KLRG1: variants seen among roughly 807,000 people sequenced by gnomAD.
KLRG1 encodes the protein killer cell lectin-like receptor subfamily G member 1.
A neutral mutation model predicts 21.8 loss-of-function variants in KLRG1; 16 were observed. The observed-to-expected ratio is 0.73, with a 90% CI of 0.50 to 1.11. The LOEUF is 1.11. Among genes scored for constraint, KLRG1 ranks in the 50% most tolerant of loss-of-function variants. The pLI, the probability that KLRG1 is intolerant of heterozygous loss-of-function variation, is 0.00. For missense variants in KLRG1, 173 were observed against 218.3 expected (o/e 0.79, Z 1.31); for synonymous variants, 69 against 75.9 (o/e 0.91, Z 0.47).
At chr12:9,021,691 T>A in the KLRG1 span, among the ~76,000 whole-genome samples, 1 of 152,198 alleles carries the variant, frequency 6.6e-6, no homozygotes, top group South Asian at 2.1e-4. Flanking sequence ...AAACTATTTT[T>A]AATTTTTAAA....
chr12:9,157,762 C>A, the KLRG1 span: 2 of 1,612,586 alleles, frequency 1.2e-6, no homozygotes, highest in Non-Finnish European at 1.7e-6. Flanking sequence ...TGAGCTGGTA[C>A]CTACAGTGAC....
At chr12:9,081,120 G>T in the KLRG1 span, among the ~76,000 whole-genome samples, 1 of 151,980 alleles carries the variant, frequency 6.6e-6, no homozygotes, top group East Asian at 1.9e-4. Context: ...GAAAATATCT[G>T]CAACATATTC....
the KLRG1 span, chr12:9,072,255 A>G: frequency 1.5e-6 from 2 of 1,328,652 alleles, no homozygotes; most frequent in Non-Finnish European, 2.1e-6. Context: ...TTTTTTGTGA[A>G]TAGTGCAAAT....
the KLRG1 span, among the ~76,000 whole-genome samples, chr12:9,030,377 G>T: frequency 6.6e-6 from 1 of 151,934 alleles, no homozygotes; most frequent in Non-Finnish European, 1.5e-5. Flanking sequence ...ACCATGTTGT[G>T]CAGCCATTAT....
chr12:9,180,752 T>C, the KLRG1 span, among the ~76,000 whole-genome samples: 2 of 152,376 alleles, frequency 1.3e-5, no homozygotes, highest in South Asian at 4.1e-4. Flanking sequence ...AAGGACTTCA[T>C]GTCCAAAACA....
the KLRG1 span, among the ~76,000 whole-genome samples, chr12:9,144,822 C>T: frequency 1.3e-5 from 2 of 151,970 alleles, no homozygotes; most frequent in Admixed American, 6.6e-5. Context: ...TATCTCTGGT[C>T]GGGGAGGGTT....
At chr12:9,031,678 C>T in the KLRG1 span, among the ~76,000 whole-genome samples, 2 of 152,174 alleles carry the variant, frequency 1.3e-5, no homozygotes, top group Non-Finnish European at 2.9e-5. Context: ...CCAAGGTGGT[C>T]GGGGCACAGC....
chr12:9,178,049 C>T, the KLRG1 span, among the ~76,000 whole-genome samples: 23 of 152,220 alleles, frequency 1.5e-4, no homozygotes, highest in African/African-American at 4.6e-4. Flanking sequence ...ATAATTATTA[C>T]GCTATGAGGA....
intron 2 of KLRG1, among the ~76,000 whole-genome samples, chr12:8,993,287 T>C (rs761369008): frequency 6.6e-6 from 1 of 152,094 alleles, no homozygotes; most frequent in Admixed American, 6.6e-5. Context: ...GGTTCTTTTT[T>C]AAATTTTTTT....
the KLRG1 span, chr12:9,160,438 T>A: frequency 1.9e-6 from 3 of 1,614,042 alleles, no homozygotes; most frequent in Non-Finnish European, 2.5e-6. Flanking sequence ...CACAGCCATA[T>A]GGCATCTGGA....
chr12:9,191,599 G>A, the KLRG1 span, among the ~76,000 whole-genome samples: 1 of 152,116 alleles, frequency 6.6e-6, no homozygotes. Context: ...GTTTAGCTTA[G>A]GGGTGTGGTG....
chr12:8,975,847 C>G (rs1005851867), intron 1 of KLRG1, among the ~76,000 whole-genome samples: 1 of 152,146 alleles, frequency 6.6e-6, no homozygotes, highest in South Asian at 2.1e-4. Flanking sequence ...CACGTGTGAG[C>G]CACTGGGCCC....
At chr12:8,976,405 T>A (rs748069229) in intron 1 of KLRG1, among the ~76,000 whole-genome samples, 10 of 152,356 alleles carry the variant, frequency 6.6e-5, no homozygotes, top group Non-Finnish European at 1.3e-4. Context: ...TGGAGAATGT[T>A]CTCTGTGCTC....
chr12:9,087,522 G>A, the KLRG1 span, among the ~76,000 whole-genome samples: 2 of 152,090 alleles, frequency 1.3e-5, no homozygotes, highest in African/African-American at 4.8e-5. Context: ...TAAAAGGAAG[G>A]TGGTGTTCAA....
the KLRG1 span, among the ~76,000 whole-genome samples, chr12:9,145,456 A>G: frequency 2.8e-3 from 420 of 152,058 alleles, 2 homozygotes; most frequent in African/African-American, 9.9e-3. Flanking sequence ...GCCCTTTATC[A>G]TCTGTCCCTA....
chr12:9,094,482 C>A, the KLRG1 span, among the ~76,000 whole-genome samples: 1 of 144,512 alleles, frequency 6.9e-6, no homozygotes, highest in African/African-American at 2.8e-5. Flanking sequence ...TCCATAGAGC[C>A]AACTGATTCT....
chr12:9,153,033 C>A, the KLRG1 span: 3 of 1,604,580 alleles, frequency 1.9e-6, no homozygotes, highest in Non-Finnish European at 2.6e-6. Context: ...TCCAGAGGTG[C>A]CTTTTACTTT....
At chr12:9,118,256 A>G in the KLRG1 span, among the ~76,000 whole-genome samples, 462 of 152,180 alleles carry the variant, frequency 3.0e-3, 12 homozygotes, top group Non-Finnish European at 4.4e-4. Flanking sequence ...CAGACTGCCT[A>G]GTTGACTTCT....
chr12:9,031,490 G>A, the KLRG1 span, among the ~76,000 whole-genome samples: 5 of 152,268 alleles, frequency 3.3e-5, no homozygotes, highest in East Asian at 3.9e-4. Context: ...CCTTAGCTCT[G>A]GTTTCGGGCA....
Sources: allele counts gnomAD v4.1 joint callset (sites outside exome capture counted in the v4.1 genomes callset), GRCh38; gene constraint gnomAD v4.1.1; transcripts MANE v1.5; gene names NCBI Gene and HGNC (gene_info 2026-07-23, HGNC 2026-07-21).